The following RANBP17 variants were observed in gnomAD, a reference collection of about 807,000 sequenced individuals.
RANBP17 encodes ran-binding protein 17.
RANBP17 carries 158 observed loss-of-function variants against 141.2 expected under a neutral mutation model. The ratio of observed to expected loss-of-function variants is 1.12; its 90% CI spans 0.98 to 1.28. RANBP17 has a LOEUF of 1.28. Ranked by LOEUF, RANBP17 falls within the 50% of genes most tolerant of loss-of-function variation. The probability of loss-of-function intolerance (pLI) is 0.00; values close to 1 mark genes in which losing one functional copy is unlikely to be tolerated. For synonymous variants in RANBP17, 430 were observed against 450.0 expected (o/e 0.96, Z 0.56); for missense variants, 1,438 against 1,290.7 (o/e 1.11, Z -1.75).
At chr5:171,198,008 C>T (rs1390740881) in intron 18 of RANBP17, among the ~76,000 whole-genome samples, 2 of 152,172 alleles carry the variant, frequency 1.3e-5, no homozygotes, top group Non-Finnish European at 2.9e-5. Flanking sequence ...CACTGCACTC[C>T]AGCCTGGATG....
chr5:171,202,600 G>A (rs1762357044), intron 19 of RANBP17, among the ~76,000 whole-genome samples: 1 of 152,162 alleles, frequency 6.6e-6, no homozygotes, highest in Non-Finnish European at 1.5e-5. Flanking sequence ...AGCAGTTCCT[G>A]AATAATTTAT....
chr5:171,158,636 T>C lies in RANBP17; in HGVS notation c.1711-11494T>C, dbSNP rs75560498. ...GTTTTGTTGTAACCTTTTTTTTTTT[T>C]CTTAAGCCTTTGACCATTTATTGTC... On this transcript the variant is annotated intron_variant, in intron 14 of 27. Coordinates refer to ENST00000523189, the MANE Select transcript of RANBP17 (RefSeq NM_022897.5). 3 of 168,122 alleles carry C rather than the reference T, an allele frequency of 1.8e-5. No homozygotes were observed. In the East Asian group the frequency reaches 3.6e-4, roughly 20 times the overall value. The allele number at this position is 168,122 out of a possible 1,614,324, so 10.4% of individuals were successfully genotyped here.
chr5:170,887,278 T>A (rs1769242820), intron 3 of RANBP17, among the ~76,000 whole-genome samples: 1 of 152,202 alleles, frequency 6.6e-6, no homozygotes, highest in Non-Finnish European at 1.5e-5. Flanking sequence ...AGAGCAGAAA[T>A]TTTTCATTTT....
chr5:171,111,788 A>G (rs1432183777), intron 14 of RANBP17, among the ~76,000 whole-genome samples: 1 of 152,220 alleles, frequency 6.6e-6, no homozygotes, highest in African/African-American at 2.4e-5. Context: ...GGCTTAACAC[A>G]TAGAACAAAG....
intron 22 of RANBP17, among the ~76,000 whole-genome samples, chr5:171,223,608 C>G (rs1256666327): frequency 1.3e-5 from 2 of 152,118 alleles, no homozygotes; most frequent in African/African-American, 4.8e-5. Flanking sequence ...GCACTCCAGC[C>G]TGGGCAACAA....
At chr5:171,156,245 A>G (rs908129349) in intron 14 of RANBP17, among the ~76,000 whole-genome samples, 3 of 152,130 alleles carry the variant, frequency 2.0e-5, no homozygotes, top group Admixed American at 1.3e-4. Context: ...CTTACCTTCT[A>G]TATAATTTAT....
intron 25 of RANBP17, among the ~76,000 whole-genome samples, chr5:171,276,790 C>CTAT (rs1767512845): frequency 6.6e-6 from 1 of 152,022 alleles, no homozygotes. Context: ...ATTAGGCATG[C>CTAT]TTTATAACAG....
At chr5:171,117,829 T>TTGTTGTTGTTG (rs1755747765) in intron 14 of RANBP17, among the ~76,000 whole-genome samples, 1 of 147,450 alleles carries the variant, frequency 6.8e-6, no homozygotes, top group African/African-American at 2.5e-5. Context: ...TATGTGGGGT[T>TTGTTGTTGTTG]TTGTTGTTGT....
At chr5:171,185,930 C>CT (rs1033443640) in intron 18 of RANBP17, among the ~76,000 whole-genome samples, 2 of 152,240 alleles carry the variant, frequency 1.3e-5, no homozygotes, top group Non-Finnish European at 2.9e-5. Context: ...CTTACAAAAT[C>CT]TTTTTTTCTG....
At chr5:171,042,156 G>A (rs766679594) in intron 14 of RANBP17, among the ~76,000 whole-genome samples, 1 of 151,946 alleles carries the variant, frequency 6.6e-6, no homozygotes, top group Non-Finnish European at 1.5e-5. Context: ...ATGGGCATTA[G>A]GGTTGATTCC....
intron 14 of RANBP17, among the ~76,000 whole-genome samples, chr5:171,060,733 G>A (rs895509088): frequency 6.6e-6 from 1 of 151,986 alleles, no homozygotes; most frequent in Non-Finnish European, 1.5e-5. Context: ...GTTTCAGGAG[G>A]AATGGTACCA....
intron 14 of RANBP17, among the ~76,000 whole-genome samples, chr5:170,987,558 C>T (rs1254932488): frequency 2.0e-5 from 3 of 151,256 alleles, no homozygotes; most frequent in African/African-American, 7.3e-5. Context: ...AAAATAATTT[C>T]TCTATACCGC....
chr5:171,008,755 T>A (rs1779831272), intron 14 of RANBP17, among the ~76,000 whole-genome samples: 1 of 152,160 alleles, frequency 6.6e-6, no homozygotes, highest in South Asian at 2.1e-4. Context: ...TTTCATTTCT[T>A]TTGTGGATCT....
At chr5:171,211,184 T>A (rs1363758097) in intron 20 of RANBP17, among the ~76,000 whole-genome samples, 1 of 152,116 alleles carries the variant, frequency 6.6e-6, no homozygotes, top group Non-Finnish European at 1.5e-5. Flanking sequence ...ACTTTATTTT[T>A]GTTATTTTCA....
intron 14 of RANBP17, among the ~76,000 whole-genome samples, chr5:171,000,071 G>T (rs996839021): frequency 1.3e-5 from 2 of 152,012 alleles, no homozygotes; most frequent in African/African-American, 2.4e-5. Context: ...GCAGACATCA[G>T]AATTTTTTTC....
intron 14 of RANBP17, among the ~76,000 whole-genome samples, chr5:171,000,544 G>A (rs1779128387): frequency 6.6e-6 from 1 of 152,144 alleles, no homozygotes; most frequent in Non-Finnish European, 1.5e-5. Flanking sequence ...TGAATATATT[G>A]ACTATTGAAA....
intron 24 of RANBP17, among the ~76,000 whole-genome samples, chr5:171,261,614 T>A (rs1284220663): frequency 6.6e-6 from 1 of 152,196 alleles, no homozygotes; most frequent in East Asian, 1.9e-4. Context: ...GGAGACTGGT[T>A]CCAGAAGAGA....
intron 25 of RANBP17, among the ~76,000 whole-genome samples, chr5:171,272,086 G>A (rs142183789): frequency 7.3e-4 from 111 of 152,240 alleles, no homozygotes; most frequent in African/African-American, 2.6e-3. Context: ...GCGAACTAAC[G>A]CAGAAGCAGA....
chr5:170,916,578 C>G lies in RANBP17; in HGVS notation c.948C>G (p.Asn316Lys). The change falls in exon 9 of 28, where the codon AAC (asparagine) becomes AAG (lysine). Residue 316 changes from asparagine to lysine, a missense_variant. Transcript: ENST00000523189. ...AGGGAGTAAAAAGGATACTTGAAAACCCTCAGGTATTTATGAAGTAATTTA... is the reference window on the plus strand; with the variant it reads ...AGGGAGTAAAAAGGATACTTGAAAAGCCTCAGGTATTTATGAAGTAATTTA... The part of the protein sequence containing the change: ...LIKGVKRILE[N>K]PQGLSDPGNY... The G allele has an allele frequency of 6.5e-7, 1 of 1,547,670 alleles. No individual in the cohort carries two copies. Among genetic ancestry groups the G allele is most frequent in the Non-Finnish European group, 8.8e-7 (1 of 1,139,446 alleles).
Sources: allele counts gnomAD v4.1 joint callset (sites outside exome capture counted in the v4.1 genomes callset), GRCh38; gene constraint gnomAD v4.1.1; transcripts MANE v1.5; gene names NCBI Gene and HGNC (gene_info 2026-07-23, HGNC 2026-07-21).